The following AGRN variants were observed in gnomAD, a reference collection of about 807,000 sequenced individuals.
The protein encoded by AGRN is agrin.
Under a neutral mutation model 211.0 loss-of-function variants are expected in AGRN, and 106 were observed. That is an observed-to-expected ratio of 0.50 (90% CI 0.43 to 0.59). The LOEUF (loss-of-function observed/expected upper bound fraction) is 0.59, where lower values mean the gene tolerates loss of function less well. Ranked by LOEUF, AGRN falls within the 20% of genes least tolerant of loss-of-function variation. The pLI is 0.00. For synonymous variants in AGRN, 1,525 were observed against 1,332.5 expected, an observed-to-expected ratio of 1.14 and a Z score of -3.15; for missense variants, 3,040 against 2,982.6, an observed-to-expected ratio of 1.02 and a Z score of -0.45.
intron 33 of AGRN, 64 bp from the exon 34 acceptor site, chr1:1,053,689 C>T (rs190044294): frequency 2.7e-5 from 41 of 1,526,952 alleles, no homozygotes; most frequent in East Asian, 1.9e-4. Flanking sequence ...CTTGTCCTCC[C>T]GCCTCCCCCA....
chr1:1,041,723 A>G (rs774437011), intron 6 of AGRN, 21 bp downstream of exon 6: 2 of 1,557,042 alleles, frequency 1.3e-6, no homozygotes, highest in Non-Finnish European at 1.7e-6. Context: ...CCCCCGGGGG[A>G]GGGCTCCGGC....
In AGRN at chr1:1,031,759, T is replaced by C. The variant is rs1410111369; in HGVS notation, c.464-3518T>C. ...CTGGGGCTCCCCCACCCCTCCCACA[T>C]TGTGGTACCTGTCCTCCTCCTGCAG... On this transcript the variant is annotated intron_variant, in intron 2 of 35. Coordinates refer to ENST00000379370, the MANE Select transcript of AGRN (RefSeq NM_198576.4). This position sits in a 1 kb window ranked among gnomAD's most constrained non-coding sequence, Gnocchi z 4.8. Among the ~76,000 whole-genome samples, 3 of 152,100 alleles carry C rather than the reference T, an allele frequency of 2.0e-5. No individual in the cohort carries two copies. The highest frequency in any genetic ancestry group is 3.9e-4 in the East Asian group (2 of 5,192).
At chr1:1,051,222 C>G in intron 30 of AGRN, 31 bp from the exon 31 acceptor site, 1 of 1,570,548 alleles carries the variant, frequency 6.4e-7, no homozygotes, top group Non-Finnish European at 8.6e-7. Flanking sequence ...TGGGTGGGCT[C>G]TGCACAGCCA....
intron 1 of AGRN, among the ~76,000 whole-genome samples, chr1:1,020,852 G>C (rs911746628): frequency 8.9e-5 from 13 of 146,834 alleles, no homozygotes; most frequent in African/African-American, 3.2e-4. Flanking sequence ...TGGTGCGGGG[G>C]GGGGGCGTGC....
In AGRN at chr1:1,041,957, C is replaced by G; in HGVS notation, c.1179C>G (p.Asp393Glu). The G allele has an allele frequency of 6.2e-7, 1 of 1,611,830 alleles. No homozygotes were observed. Among genetic ancestry groups the G allele is most frequent in the Non-Finnish European group, 8.5e-7 (1 of 1,179,652 alleles). The change falls in exon 7 of 36, where the codon GAC becomes GAG. Residue 393 changes from aspartate to glutamate, a missense_variant and splice_region_variant. Asp to Glu is a conservative substitution (Grantham distance 45, BLOSUM62 2). Around this residue, in one of 3 missense-constraint regions of AGRN, gnomAD observed 1,498 missense variants for 1,457.8 expected, o/e 1.03. Transcript: ENST00000379370. ...GACTCCCTCACCCCTGCGTCCTAGA[C>G]CAGTGCCCGGAGCCCTGCCGGTTCA... is the stretch of plus-strand genomic sequence containing the variant. ...KVRSGQCQGR[D>E]QCPEPCRFNA...
chr1:1,032,515 G>A lies in AGRN; in HGVS notation c.464-2762G>A, dbSNP rs1350612509. Among the ~76,000 whole-genome samples, 1 of 152,100 alleles carries A rather than the reference G, an allele frequency of 6.6e-6. No homozygotes were observed. Among genetic ancestry groups the A allele is most frequent in the Non-Finnish European group, 1.5e-5 (1 of 68,004 alleles). ...GAGGGGCCCAGACACCCGGCTGGGG[G>A]ACTCCAGGAAGGCAGCAGGTGTGGG... On this transcript the variant is annotated intron_variant, in intron 2 of 35. Coordinates refer to ENST00000379370, the MANE Select transcript of AGRN (RefSeq NM_198576.4). This position sits in a 1 kb window ranked among gnomAD's most constrained non-coding sequence, Gnocchi z 4.7.
intron 7 of AGRN, among the ~76,000 whole-genome samples, 188 bp downstream of exon 7, chr1:1,042,350 G>A (rs1027467882): frequency 6.6e-6 from 1 of 152,214 alleles, no homozygotes; most frequent in African/African-American, 2.4e-5. Flanking sequence ...GGGGGCTGGT[G>A]AGGCAGAGGC....
chr1:1,049,928 C>A lies in AGRN; in HGVS notation c.4770C>A (p.Ser1590Arg), dbSNP rs1401089528. Residue 1590 changes from serine to arginine, a missense_variant, in exon 27 of 36, where the codon AGC becomes AGA. Around this residue, in one of 3 missense-constraint regions of AGRN, gnomAD observed 1,537 missense variants for 1,505.0 expected, o/e 1.02. Coordinates refer to ENST00000379370, the MANE Select transcript of AGRN (RefSeq NM_198576.4). ...RVGPTCADEK[S>R]PCQPNPCHGA... is the part of the protein sequence containing the mutation. Reference sequence around the variant, plus strand: ...GACCAACCTGTGCCGATGAGAAGAGCCCCTGCCAGCCCAACCCCTGCCATG... The same window carrying A: ...GACCAACCTGTGCCGATGAGAAGAGACCCTGCCAGCCCAACCCCTGCCATG... 1 of 1,611,884 alleles carries A rather than the reference C, an allele frequency of 6.2e-7. No individual in the cohort carries two copies. The highest frequency in any genetic ancestry group is 2.2e-5 in the East Asian group (1 of 44,870).
chr1:1,032,288 G>C lies in AGRN; in HGVS notation c.464-2989G>C, dbSNP rs1431096589. Among the ~76,000 whole-genome samples, 3 of 152,200 alleles carry C rather than the reference G, an allele frequency of 2.0e-5. No individual in the cohort carries two copies. The highest frequency in any genetic ancestry group is 4.4e-5 in the Non-Finnish European group (3 of 68,046). On this transcript the variant is annotated intron_variant, in intron 2 of 35. Coordinates refer to ENST00000379370, the MANE Select transcript of AGRN (RefSeq NM_198576.4). The surrounding 1 kb of genome is among the most constrained non-coding windows in gnomAD (Gnocchi z 4.7). ...TAGAGATGTGGAGGCCTCCTGTCTG[G>C]GTGATGGGGCATGGTGCTGGTCCCT...
Position 1,053,905 on chromosome 1 carries a change from G to C in AGRN, c.5804G>C (p.Gly1935Ala), listed in dbSNP as rs1234155332. ...DGHLQLSYNLGSQPVVLRSTV... is the reference protein window; with the variant it reads ...DGHLQLSYNLASQPVVLRSTV... Reference sequence around the variant, plus strand: ...CACCTGCAACTGAGCTACAACCTGGGCTCCCAGCCCGTGGTGCTGCGTTCC... The same window carrying C: ...CACCTGCAACTGAGCTACAACCTGGCCTCCCAGCCCGTGGTGCTGCGTTCC... Residue 1935 changes from glycine (G) to alanine (A), a missense_variant, in exon 34 of 36, where the codon GGC becomes GCC. Physicochemically the swap from Gly to Ala is moderately conservative, Grantham distance 60. This residue lies in a region of AGRN where 1,537 missense variants were observed against 1,505.0 expected (regional missense o/e 1.02). Coordinates refer to ENST00000379370, the MANE Select transcript of AGRN (RefSeq NM_198576.4). The C allele has an allele frequency of 6.2e-7, 1 of 1,608,116 alleles. No homozygotes were observed. The highest frequency in any genetic ancestry group is 1.7e-5 in the Admixed American group (1 of 59,404).
intron 24 of AGRN, 21 bp downstream of exon 24, chr1:1,049,080 GCCGGGGCAGCTCAGGTGGGC>G (rs762222348): frequency 2.3e-5 from 34 of 1,466,056 alleles, no homozygotes; most frequent in African/African-American, 4.7e-5. Context: ...AGGGGACGGG[GCCGGGGCAGCTCAGGTGGGC>G]GGGGAGGGGA....
chr1:1,040,226 G>A (rs772006320), intron 3 of AGRN, among the ~76,000 whole-genome samples: 1 of 152,224 alleles, frequency 6.6e-6, no homozygotes, highest in Admixed American at 6.5e-5. Context: ...ATCGGTGAGG[G>A]GCTCCGGTGC....
chr1:1,037,448 C>T (rs1415260124), intron 3 of AGRN, among the ~76,000 whole-genome samples: 1 of 152,226 alleles, frequency 6.6e-6, no homozygotes, highest in Non-Finnish European at 1.5e-5. Flanking sequence ...GAGCTCACAG[C>T]AGGGCTGGGG....
chr1:1,050,404 AC>A (rs1342377221), intron 28 of AGRN, 22 bp from the exon 29 acceptor site: 3 of 1,612,218 alleles, frequency 1.9e-6, no homozygotes, highest in Non-Finnish European at 2.5e-6. Context: ...CAGCAAAGAC[AC>A]CCCGACTCCC....
chr1:1,025,586 C>T lies in AGRN; in HGVS notation c.463+3124C>T, dbSNP rs58473092. ...GCATTCCTGCCACCCTCTCCTGCCC[C>T]CTCCTGACTCCAGGTTCTCATCCTG... is the stretch of plus-strand genomic sequence containing the variant. On this transcript the variant is annotated intron_variant, in intron 2 of 35. Transcript: ENST00000379370. Among the ~76,000 whole-genome samples the T allele has an allele frequency of 5.4e-3, 817 of 152,226 alleles. 4 individuals carry two copies. The highest frequency in any genetic ancestry group is 0.019 in the African/African-American group (777 of 41,544).
rs1489220112 is a variant in AGRN, at chr1:1,041,405, C to A, written c.952+8C>A. On this transcript the variant is annotated splice_region_variant and intron_variant, in intron 5 of 35. Transcript: ENST00000379370. Reference sequence around the variant, plus strand: ...AGTTCGACGGCCCTTGTGGTGAGCGCGGCGGCGGGCGCACGGCTCGAGCTC... The same window carrying A: ...AGTTCGACGGCCCTTGTGGTGAGCGAGGCGGCGGGCGCACGGCTCGAGCTC... The A allele has an allele frequency of 1.3e-6, 2 of 1,543,650 alleles. No individual in the cohort carries two copies. Among genetic ancestry groups the A allele is most frequent in the South Asian group, 2.3e-5 (2 of 85,120 alleles).
rs777791014 is a variant in AGRN at position 1,042,036 on chromosome 1, A to G, written c.1258A>G (p.Thr420Ala). 4 of 1,609,726 alleles carry G rather than the reference A, an allele frequency of 2.5e-6. No individual in the cohort carries two copies. The highest frequency in any genetic ancestry group is 2.7e-5 in the African/African-American group (2 of 74,852). ...GRPRCSCDRV[T>A]CDGAYRPVCA... is the part of the protein sequence containing the mutation. ...TCCCCGCTGCTCCTGCGACCGCGTC[A>G]CCTGTGACGGGGCCTACAGGCCCGT... Residue 420 changes from threonine (T) to alanine (A), a missense_variant, in exon 7 of 36, where the codon ACC becomes GCC. By Grantham distance (58) the Thr-to-Ala change is moderately conservative. Coordinates refer to ENST00000379370, the MANE Select transcript of AGRN (RefSeq NM_198576.4).
rs1330617222 is a variant in AGRN at position 1,032,702 on chromosome 1, C to T, written c.464-2575C>T. Among the ~76,000 whole-genome samples the T allele has an allele frequency of 6.6e-6, 1 of 152,154 alleles. No individual in the cohort carries two copies. Among genetic ancestry groups the T allele is most frequent in the Non-Finnish European group, 1.5e-5 (1 of 68,020 alleles). ...GACTGGCGGAGCAGAAGCGCCCTGG[C>T]GCCGGGTCCTTGCTTTCCTGGAGCT... On this transcript the variant is annotated intron_variant, in intron 2 of 35. Coordinates refer to ENST00000379370, the MANE Select transcript of AGRN (RefSeq NM_198576.4). The surrounding 1 kb of genome is among the most constrained non-coding windows in gnomAD (Gnocchi z 4.7).
Position 1,043,418 on chromosome 1 carries a change from C to A in AGRN, c.1564C>A (p.Leu522Ile). ...ACELEATACT[L>I]GREIQVARKG... The stretch of plus-strand genomic sequence containing the variant: ...CGAGCTGGAGGCCACGGCCTGTACC[C>A]TCGGGCGGGAGATCCAGGTGGCGCG... The change falls in exon 8 of 36, where the codon CTC becomes ATC. Residue 522 changes from leucine to isoleucine, a missense_variant. By Grantham distance (5) the Leu-to-Ile change is conservative. Coordinates refer to ENST00000379370, the MANE Select transcript of AGRN (RefSeq NM_198576.4). The A allele has an allele frequency of 6.2e-7, 1 of 1,607,886 alleles. No homozygotes were observed. The highest frequency in any genetic ancestry group is 1.1e-5 in the South Asian group (1 of 90,614).
Sources: allele counts gnomAD v4.1 joint callset (sites outside exome capture counted in the v4.1 genomes callset), GRCh38; gene constraint gnomAD v4.1.1; regional missense constraint gnomAD v4.1.1; non-coding constraint Gnocchi (gnomAD v3.1); transcripts MANE v1.5; gene names NCBI Gene and HGNC (gene_info 2026-07-23, HGNC 2026-07-21).